GPAT2: variants seen among roughly 807,000 people sequenced by gnomAD.
GPAT2 encodes 1-acylglycerol-3-phosphate O-acyltransferase GPAT2.
A neutral mutation model predicts 71.0 loss-of-function variants in GPAT2; 51 were observed. The ratio of observed to expected loss-of-function variants is 0.72; its 90% CI spans 0.57 to 0.91. GPAT2 has a LOEUF of 0.91. GPAT2 is among the 40% of genes least tolerant of loss of function. GPAT2 has a pLI of 0.00. For synonymous variants in GPAT2, 222 were observed against 290.3 expected (o/e 0.76, Z 2.39); for missense variants, 511 against 666.0 (o/e 0.77, Z 2.56).
chr2:96,023,960 T>A lies in GPAT2; in HGVS notation c.1877A>T (p.Asp626Val). The A allele has an allele frequency of 6.2e-7, 1 of 1,607,298 alleles. No homozygotes were observed. Residue 626 changes from aspartate to valine, a missense_variant, in exon 17 of 22, where the codon GAC becomes GTC. Transcript: ENST00000434632. ...CAGGAGCCCGCATTGGATGAGCCGG[T>A]CCAGCACCTCCTGACAGTAGCAGTA... is the stretch of plus-strand genomic sequence containing the variant. ...SSYCYCQEVLDRLIQCGLLVA... is the reference protein window; with the variant it reads ...SSYCYCQEVLVRLIQCGLLVA...
At position 96,024,616 on chromosome 2, in the gene GPAT2, C is replaced by T; in HGVS notation, c.1498G>A (p.Asp500Asn). The T allele has an allele frequency of 6.2e-7, 1 of 1,613,840 alleles. No homozygotes were observed. Among genetic ancestry groups the T allele is most frequent in the Non-Finnish European group, 8.5e-7 (1 of 1,179,926 alleles). The change falls in exon 15 of 22, where the codon GAT becomes AAT. Residue 500 changes from aspartate to asparagine, a missense_variant. Asp to Asn is a conservative substitution (Grantham distance 23). Coordinates refer to ENST00000434632, the MANE Select transcript of GPAT2 (RefSeq NM_001321527.2). ...LTEEILLRGFDVGFSGQLRSL... is the reference protein window; with the variant it reads ...LTEEILLRGFNVGFSGQLRSL... ...CGCAGCTGCCCAGAGAAGCCTACAT[C>T]AAAGCCACGCAACAGTATCTCCTCC...
intron 14 of GPAT2, 24 bp downstream of exon 14, chr2:96,024,749 T>C: frequency 1.2e-6 from 2 of 1,613,208 alleles, no homozygotes; most frequent in Non-Finnish European, 1.7e-6. Flanking sequence ...ACCGCCCAGG[T>C]CCCCACCACA....
intron 1 of GPAT2, among the ~76,000 whole-genome samples, chr2:96,033,983 A>G (rs531487524): frequency 4.0e-5 from 6 of 151,706 alleles, no homozygotes; most frequent in Non-Finnish European, 8.8e-5. Context: ...ACACACATAT[A>G]TACATATATA....
rs761273723 is a variant in GPAT2, at chr2:96,026,004, G to T, written c.1164C>A (p.Ile388=). ...CGCCCCAGCAGCTTCTGGCACTGAC[G>T]ATGTATTCCTGCCCAAGAGAAGGCT... ...LAQPFSLQEY[I]VSARSCWGGR... The change falls in exon 12 of 22, where the codon ATC becomes ATA. Residue 388 remains isoleucine (I), a synonymous_variant. Transcript: ENST00000434632. 1.9e-6 allele frequency: 3 copies of T among 1,612,648 alleles called. No individual in the cohort carries two copies. The African/African-American group carries it at 4.0e-5, about 22-fold the overall frequency.
chr2:96,025,090 AAGATAC>A lies in GPAT2; in HGVS notation c.1358-253_1358-248del. The A allele has an allele frequency of 5.0e-6, 3 of 601,446 alleles. No individual in the cohort carries two copies. In the South Asian group the frequency reaches 5.9e-5, roughly 12 times the overall value. 37.3% of individuals were successfully genotyped at this position (601,446 alleles called of 1,614,324 possible). A position where few individuals can be genotyped will look rare whatever the true frequency, so the allele number is the denominator to read the frequency against. On this transcript the variant is annotated intron_variant, in intron 13 of 21. Coordinates refer to ENST00000434632, the MANE Select transcript of GPAT2 (RefSeq NM_001321527.2). ...AGCCTCTACTAGAGGGGCACTGAAG[AAGATAC>A]AGATGGATCTCCCTATAAGGGCCCT...
At chr2:96,023,666 G>A in intron 17 of GPAT2, 1 of 675,696 alleles carries the variant, frequency 1.5e-6, no homozygotes, top group Non-Finnish European at 2.5e-6. Flanking sequence ...GGGAGCAGGA[G>A]GTGTGCAGAG....
rs1344214248 is a variant in GPAT2 at position 96,022,071 on chromosome 2, G to T, written c.*88C>A. 1.3e-6 allele frequency: 2 copies of T among 1,529,826 alleles called. No homozygotes were observed. The highest frequency in any genetic ancestry group is 1.8e-6 in the Non-Finnish European group (2 of 1,138,944). 94.8% of individuals were successfully genotyped at this position (1,529,826 alleles called of 1,614,324 possible). A position where few individuals can be genotyped will look rare whatever the true frequency, so the allele number is the denominator to read the frequency against. The stretch of plus-strand genomic sequence containing the variant: ...GATTATATTTATAGAGCAGCTAAGG[G>T]TTTGCAGCCTCCTCTCCATCTTCTG... On this transcript the variant is annotated 3_prime_UTR_variant, in exon 22 of 22. Transcript: ENST00000434632.
Position 96,024,859 on chromosome 2 carries a change from G to A in GPAT2, c.1358-16C>T. On this transcript the variant is annotated splice_polypyrimidine_tract_variant and intron_variant, in intron 13 of 21. Coordinates refer to ENST00000434632, the MANE Select transcript of GPAT2 (RefSeq NM_001321527.2). ...CCTACACTGGCTGGAGTGGGGCGGGGGGTGGAGATGCTGGTCAGGTTGAGG... is the reference window on the plus strand; with the variant it reads ...CCTACACTGGCTGGAGTGGGGCGGGAGGTGGAGATGCTGGTCAGGTTGAGG... The A allele has an allele frequency of 6.2e-7, 1 of 1,612,170 alleles. No individual in the cohort carries two copies. The highest frequency in any genetic ancestry group is 8.5e-7 in the Non-Finnish European group (1 of 1,179,904).
chr2:96,024,734 C>G (rs780303531), intron 14 of GPAT2, 39 bp downstream of exon 14: 1 of 1,613,422 alleles, frequency 6.2e-7, no homozygotes, highest in Non-Finnish European at 8.5e-7. Context: ...ATCGCCACCC[C>G]CCCCACCGCC....
chr2:96,024,750 C>G (rs1473945164), intron 14 of GPAT2, 23 bp downstream of exon 14: 1 of 1,613,944 alleles, frequency 6.2e-7, no homozygotes, highest in East Asian at 2.2e-5. Context: ...CCGCCCAGGT[C>G]CCCACCACAT....
In GPAT2 at chr2:96,030,307, CAGG is replaced by C. The variant is rs1019101773; in HGVS notation, c.485+96_485+98del. ...CTCTGGTAAACACTATCCAGCAACC[CAGG>C]AGGAGAGTCCAGCACTTCCCCAAGC... On this transcript the variant is annotated intron_variant, in intron 6 of 21. Transcript: ENST00000434632. 9 of 488,510 alleles carry C rather than the reference CAGG, an allele frequency of 1.8e-5. 2 individuals carry two copies. In the African/African-American group the frequency reaches 1.9e-4, roughly 11 times the overall value. 30.3% of individuals were successfully genotyped at this position (488,510 alleles called of 1,614,324 possible).
intron 21 of GPAT2, 148 bp from the exon 22 acceptor site, chr2:96,022,423 A>C (rs1679778463): frequency 9.4e-7 from 1 of 1,064,542 alleles, no homozygotes; most frequent in Non-Finnish European, 1.3e-6. Context: ...GCCGCAAAGC[A>C]GTCCCAATAC....
At chr2:96,026,579 C>T in intron 10 of GPAT2, 118 bp downstream of exon 10, 1 of 175,460 alleles carries the variant, frequency 5.7e-6, no homozygotes. Context: ...AAGGACGATT[C>T]CTTTGTGCCC....
At position 96,032,020 on chromosome 2, in the gene GPAT2, T is replaced by C. The variant is rs369401048; in HGVS notation, c.177+13A>G. 8.1e-5 allele frequency: 122 copies of C among 1,513,788 alleles called. 4 individuals carry two copies. The African/African-American group carries it at 1.7e-3, about 21-fold the overall frequency. 93.8% of individuals were successfully genotyped at this position (1,513,788 alleles called of 1,614,324 possible). On this transcript the variant is annotated intron_variant, in intron 3 of 21. Coordinates refer to ENST00000434632, the MANE Select transcript of GPAT2 (RefSeq NM_001321527.2). The stretch of plus-strand genomic sequence containing the variant: ...AAGCTTCCTGCTTGGGGCCTGGCCC[T>C]ACCATCACTCACCCAGCTCTTGGGG...
chr2:96,025,868 T>G, intron 12 of GPAT2, 62 bp downstream of exon 12: 18 of 1,482,556 alleles, frequency 1.2e-5, no homozygotes, highest in Non-Finnish European at 1.6e-5. Flanking sequence ...GGGGGATACA[T>G]AAGCTGGTGC....
intron 12 of GPAT2, 128 bp downstream of exon 12, chr2:96,025,802 C>T (rs1308828657): frequency 2.5e-6 from 3 of 1,184,140 alleles, no homozygotes; most frequent in Non-Finnish European, 3.7e-6. Flanking sequence ...GTACCTGGAA[C>T]TATTCTAGAT....
At chr2:96,026,347 G>A (rs1187411386) in intron 10 of GPAT2, 42 bp from the exon 11 acceptor site, 1 of 1,437,182 alleles carries the variant, frequency 7.0e-7, no homozygotes, top group South Asian at 1.5e-5. Flanking sequence ...CGAGGACACT[G>A]CTCTCGGGCG....
At chr2:96,024,054 G>A in intron 16 of GPAT2, 54 bp from the exon 17 acceptor site, 1 of 1,582,556 alleles carries the variant, frequency 6.3e-7, no homozygotes, top group South Asian at 1.1e-5. Context: ...CATGGGCAGG[G>A]GCCTAGCCAA....
At chr2:96,029,861 CT>C (rs1043731206) in intron 6 of GPAT2, among the ~76,000 whole-genome samples, 1 of 88,962 alleles carries the variant, frequency 1.1e-5, no homozygotes, top group Non-Finnish European at 2.4e-5. Flanking sequence ...AACCTTGCAA[CT>C]GGTTTTCACT....
Sources: gnomAD v4.1 joint callset for allele counts (sites outside exome capture counted in the v4.1 genomes callset) on GRCh38, gnomAD v4.1.1 for gene constraint, MANE v1.5 for transcripts, NCBI Gene and HGNC (gene_info 2026-07-23, HGNC 2026-07-21) for gene names.